ZC3H12B: variants seen among roughly 807,000 people sequenced by gnomAD.
The protein encoded by ZC3H12B is zinc finger CCCH-type containing 12B, also known as probable ribonuclease ZC3H12B.
In ZC3H12B, 7 loss-of-function variants were observed where a neutral mutation model predicts 43.9. The ratio of observed to expected loss-of-function variants is 0.16; its 90% CI spans 0.09 to 0.30. ZC3H12B has a LOEUF of 0.30. Ranked by LOEUF, ZC3H12B falls within the 10% of genes least tolerant of loss-of-function variation. ZC3H12B has a pLI of 1.00. For missense variants in ZC3H12B, 475 were observed against 670.2 expected, an observed-to-expected ratio of 0.71 and a Z score of 3.22; for synonymous variants, 222 against 241.7, an observed-to-expected ratio of 0.92 and a Z score of 0.76.
At chrX:65,159,661 G>T in the ZC3H12B span, among the ~76,000 whole-genome samples, 1 of 111,617 alleles carries the variant, frequency 9.0e-6, no homozygotes, top group African/African-American at 3.3e-5. Flanking sequence ...GGAGATTTTC[G>T]GCTGAGACAA....
intron 3 of ZC3H12B, among the ~76,000 whole-genome samples, chrX:65,415,316 G>T (rs988140272): frequency 1.8e-5 from 2 of 112,627 alleles, no homozygotes; most frequent in African/African-American, 6.4e-5. Context: ...TTCTCTCCTG[G>T]ATGGAGGAAA....
intron 3 of ZC3H12B, among the ~76,000 whole-genome samples, chrX:65,453,743 GA>G (rs1251705586): frequency 6.4e-5 from 7 of 110,009 alleles, no homozygotes; most frequent in Non-Finnish European, 1.9e-5. Flanking sequence ...ACACAAAAAG[GA>G]ATAAAATAAT....
At chrX:65,313,709 C>T in the ZC3H12B span, among the ~76,000 whole-genome samples, 1 of 111,820 alleles carries the variant, frequency 8.9e-6, no homozygotes, top group African/African-American at 3.2e-5. Flanking sequence ...AGTTTTTTTC[C>T]GAATTTTAAT....
At chrX:65,186,910 A>T in the ZC3H12B span, among the ~76,000 whole-genome samples, 8 of 112,191 alleles carry the variant, frequency 7.1e-5, no homozygotes, top group Non-Finnish European at 1.1e-4. Context: ...TATATATACC[A>T]CATTTTCTTT....
chrX:65,416,557 G>A (rs765443748), intron 3 of ZC3H12B, among the ~76,000 whole-genome samples: 3 of 109,282 alleles, frequency 2.7e-5, no homozygotes, highest in Non-Finnish European at 5.7e-5. Context: ...TGAGGTGGGC[G>A]GATGACGAGG....
intron 4 of ZC3H12B, among the ~76,000 whole-genome samples, chrX:65,500,852 CT>C (rs2068357066): frequency 9.0e-6 from 1 of 110,960 alleles, no homozygotes; most frequent in South Asian, 3.8e-4. Flanking sequence ...GCTGCTTGAT[CT>C]GAGGCTACTT....
chrX:65,480,914 A>C (rs975900550), intron 3 of ZC3H12B, among the ~76,000 whole-genome samples: 1 of 111,530 alleles, frequency 9.0e-6, no homozygotes, highest in Non-Finnish European at 1.9e-5. Flanking sequence ...AACGTATCAC[A>C]TACATAAAGG....
At chrX:65,461,918 A>G (rs908110554) in intron 3 of ZC3H12B, among the ~76,000 whole-genome samples, 97 of 110,844 alleles carry the variant, frequency 8.8e-4, no homozygotes, top group Non-Finnish European at 1.4e-3. Flanking sequence ...ATAATCTCAG[A>G]AATAACCACT....
At chrX:65,253,299 C>A in the ZC3H12B span, among the ~76,000 whole-genome samples, 23 of 112,449 alleles carry the variant, frequency 2.0e-4, no homozygotes, top group African/African-American at 1.3e-4. Context: ...TGGTCCCCAA[C>A]AACTCCTGGG....
chrX:65,194,333 A>G, the ZC3H12B span, among the ~76,000 whole-genome samples: 1 of 109,032 alleles, frequency 9.2e-6, no homozygotes, highest in South Asian at 4.1e-4. Flanking sequence ...AGCATGGCAC[A>G]TGTATACATA....
At chrX:65,236,311 C>CT in the ZC3H12B span, among the ~76,000 whole-genome samples, 1 of 110,965 alleles carries the variant, frequency 9.0e-6, no homozygotes, top group African/African-American at 3.3e-5. Flanking sequence ...TGATGTTTAG[C>CT]TTTTTTTTCA....
At chrX:65,159,847 C>T in the ZC3H12B span, among the ~76,000 whole-genome samples, 1 of 111,754 alleles carries the variant, frequency 8.9e-6, no homozygotes, top group Non-Finnish European at 1.9e-5. Flanking sequence ...TGCCAGTTTT[C>T]AAAGGGAATG....
the ZC3H12B span, among the ~76,000 whole-genome samples, chrX:65,191,432 A>G: frequency 3.1e-5 from 3 of 97,210 alleles, no homozygotes; most frequent in African/African-American, 1.3e-4. Context: ...CTGGTCCTGG[A>G]CTCTTTTTGG....
intron 3 of ZC3H12B, among the ~76,000 whole-genome samples, chrX:65,399,702 A>G (rs147504903): frequency 1.3e-3 from 148 of 112,193 alleles, no homozygotes; most frequent in Non-Finnish European, 2.2e-3. Flanking sequence ...AAGAAAGTAA[A>G]TCAGTATATC....
chrX:65,271,092 A>G, the ZC3H12B span: 1 of 112,969 alleles, frequency 8.9e-6, no homozygotes, highest in Non-Finnish European at 1.9e-5. Flanking sequence ...TGATGCTGTT[A>G]CCATTGTGAA....
the ZC3H12B span, among the ~76,000 whole-genome samples, chrX:65,145,753 G>C: frequency 1.8e-5 from 2 of 111,453 alleles, no homozygotes; most frequent in South Asian, 3.8e-4. Flanking sequence ...GCTTAGTTTT[G>C]CTGGGTACAA....
chrX:65,323,696 T>C, the ZC3H12B span, among the ~76,000 whole-genome samples: 1 of 111,853 alleles, frequency 8.9e-6, no homozygotes, highest in Non-Finnish European at 1.9e-5. Context: ...TATTATCCCT[T>C]GGGTATATAC....
the ZC3H12B span, among the ~76,000 whole-genome samples, chrX:65,143,244 T>G: frequency 8.1e-5 from 9 of 111,106 alleles, no homozygotes; most frequent in Admixed American, 9.6e-5. Context: ...ATTCTTAAGG[T>G]TTTTTTGTTT....
rs1173180767 is a variant in ZC3H12B, at chrX:65,369,006, C to A, written n.295+8C>A. On this transcript the variant is annotated splice_region_variant and intron_variant and non_coding_transcript_variant, in intron 2 of 5. Transcript: ENST00000617377. ...TTTTTGAGGTGTTAAGAGGTGGGTACTTTAGTGGTTGTTGTTGTTGTTGTG... is the reference window on the plus strand; with the variant it reads ...TTTTTGAGGTGTTAAGAGGTGGGTAATTTAGTGGTTGTTGTTGTTGTTGTG... 1 of 111,570 alleles carries A rather than the reference C, an allele frequency of 9.0e-6. No homozygotes were observed. Among genetic ancestry groups the A allele is most frequent in the Non-Finnish European group, 1.9e-5 (1 of 53,096 alleles). The allele number at this position is 111,570 out of a possible 1,213,427, so 9.2% of individuals were successfully genotyped here. A position where few individuals can be genotyped will look rare whatever the true frequency, so the allele number is the denominator to read the frequency against.
Sources: gnomAD v4.1 joint callset for allele counts (sites outside exome capture counted in the v4.1 genomes callset) on GRCh38, gnomAD v4.1.1 for gene constraint, MANE v1.5 for transcripts, NCBI Gene and HGNC (gene_info 2026-07-23, HGNC 2026-07-21) for gene names.